Variants in PTPRK observed in about 807,000 individuals in gnomAD.
The protein encoded by PTPRK is receptor-type tyrosine-protein phosphatase kappa.
PTPRK carries 75 observed loss-of-function variants against 178.0 expected under a neutral mutation model. The ratio of observed to expected loss-of-function variants is 0.42; its 90% CI spans 0.35 to 0.51. The LOEUF is 0.51. PTPRK is among the 20% of genes least tolerant of loss of function. PTPRK has a pLI of 0.02. For missense variants in PTPRK, 1,441 were observed against 1,797.8 expected (o/e 0.80, Z 3.59); for synonymous variants, 637 against 620.6 (o/e 1.03, Z -0.39).
intron 1 of PTPRK, among the ~76,000 whole-genome samples, chr6:128,506,467 T>G (rs1032043877): frequency 3.3e-5 from 5 of 151,984 alleles, no homozygotes; most frequent in African/African-American, 1.2e-4. Context: ...GGTAGGTTTT[T>G]ATACATGGCA....
At chr6:128,444,741 A>G (rs1280520709) in intron 1 of PTPRK, among the ~76,000 whole-genome samples, 1 of 152,340 alleles carries the variant, frequency 6.6e-6, no homozygotes, top group East Asian at 1.9e-4. Flanking sequence ...AAATGAAATT[A>G]TGAAGAAAAG....
At chr6:128,461,125 A>G (rs1483848995) in intron 1 of PTPRK, among the ~76,000 whole-genome samples, 1 of 152,182 alleles carries the variant, frequency 6.6e-6, no homozygotes, top group Non-Finnish European at 1.5e-5. Flanking sequence ...TCTTCAGCAC[A>G]TCAACCTCTG....
At chr6:128,142,449 A>T (rs953255065) in intron 7 of PTPRK, among the ~76,000 whole-genome samples, 1 of 151,952 alleles carries the variant, frequency 6.6e-6, no homozygotes, top group Non-Finnish European at 1.5e-5. Context: ...CAAGTCAAAC[A>T]TTGGAAGCAC....
At chr6:128,062,736 T>G (rs1215690248) in intron 13 of PTPRK, 1 of 155,578 alleles carries the variant, frequency 6.4e-6, no homozygotes, top group African/African-American at 2.4e-5. Flanking sequence ...AGGAGTACAG[T>G]GGCACGATCA....
At chr6:128,072,583 G>A (rs1457845287) in intron 11 of PTPRK, among the ~76,000 whole-genome samples, 8 of 152,036 alleles carry the variant, frequency 5.3e-5, no homozygotes, top group Admixed American at 2.6e-4. Context: ...TACTTTTTAC[G>A]CTGGGGTTGA....
At chr6:128,225,511 G>T (rs2128276085) in intron 5 of PTPRK, among the ~76,000 whole-genome samples, 1 of 152,154 alleles carries the variant, frequency 6.6e-6, no homozygotes, top group South Asian at 2.1e-4. Flanking sequence ...AGATTTGTAT[G>T]AATTTTTTTC....
chr6:128,296,184 T>C (rs144739923), intron 3 of PTPRK, among the ~76,000 whole-genome samples: 4 of 152,192 alleles, frequency 2.6e-5, no homozygotes, highest in Admixed American at 1.3e-4. Flanking sequence ...AGTGACTCCT[T>C]GCAACCCATG....
At chr6:128,317,954 A>C (rs1828251659) in intron 3 of PTPRK, among the ~76,000 whole-genome samples, 1 of 152,196 alleles carries the variant, frequency 6.6e-6, no homozygotes, top group African/African-American at 2.4e-5. Context: ...ATAAATAGAC[A>C]ACAAACAATA....
At chr6:128,126,103 GGTTT>G (rs1793325061) in intron 7 of PTPRK, among the ~76,000 whole-genome samples, 1 of 151,568 alleles carries the variant, frequency 6.6e-6, no homozygotes, top group Non-Finnish European at 1.5e-5. Flanking sequence ...AGAACATGCA[GGTTT>G]GTTACATAGG....
At chr6:128,390,277 C>T (rs1332241240) in intron 2 of PTPRK, among the ~76,000 whole-genome samples, 1 of 152,102 alleles carries the variant, frequency 6.6e-6, no homozygotes, top group Admixed American at 6.6e-5. Flanking sequence ...TAAAGGTTTG[C>T]TTAAACAGAC....
chr6:128,474,203 A>AACCC (rs1224935373), intron 1 of PTPRK, among the ~76,000 whole-genome samples: 2 of 151,688 alleles, frequency 1.3e-5, no homozygotes, highest in Admixed American at 6.6e-5. Context: ...CAAACAAACA[A>AACCC]ACCCTGAAAG....
At chr6:128,363,603 AT>A (rs1428266168) in intron 2 of PTPRK, among the ~76,000 whole-genome samples, 2 of 151,958 alleles carry the variant, frequency 1.3e-5, no homozygotes, top group Non-Finnish European at 2.9e-5. Context: ...TCACACCCCC[AT>A]GTCTTGGCTC....
intron 2 of PTPRK, among the ~76,000 whole-genome samples, chr6:128,340,307 A>G (rs1831494807): frequency 6.6e-6 from 1 of 152,196 alleles, no homozygotes; most frequent in African/African-American, 2.4e-5. Flanking sequence ...TAAACATGGC[A>G]ACCAGACAGG....
At chr6:128,456,333 C>T (rs1395411747) in intron 1 of PTPRK, among the ~76,000 whole-genome samples, 1 of 151,876 alleles carries the variant, frequency 6.6e-6, no homozygotes, top group Admixed American at 6.6e-5. Context: ...TGAGGCCAGC[C>T]TTATGACAAG....
At chr6:128,411,713 T>C (rs1842330732) in intron 1 of PTPRK, among the ~76,000 whole-genome samples, 1 of 152,170 alleles carries the variant, frequency 6.6e-6, no homozygotes, top group Non-Finnish European at 1.5e-5. Flanking sequence ...ATTTTTAAAA[T>C]ACAAAAATTA....
chr6:128,207,763 C>G (rs1807233141), intron 6 of PTPRK, among the ~76,000 whole-genome samples: 1 of 152,026 alleles, frequency 6.6e-6, no homozygotes, highest in African/African-American at 2.4e-5. Context: ...AAGTTAGATG[C>G]AAGAATATAA....
intron 7 of PTPRK, among the ~76,000 whole-genome samples, chr6:128,091,702 ATT>A (rs199815793): frequency 6.6e-6 from 1 of 151,926 alleles, no homozygotes; most frequent in African/African-American, 2.4e-5. Context: ...TTAATTTTTT[ATT>A]TTTTTTAGGT....
intron 2 of PTPRK, among the ~76,000 whole-genome samples, chr6:128,393,610 CAAAG>C (rs1465520360): frequency 6.6e-6 from 1 of 151,866 alleles, no homozygotes; most frequent in Non-Finnish European, 1.5e-5. Flanking sequence ...GATAAGCAGA[CAAAG>C]AAATATTTCA....
chr6:128,121,943 G>A (rs1374585273), intron 7 of PTPRK, among the ~76,000 whole-genome samples: 2 of 152,020 alleles, frequency 1.3e-5, no homozygotes, highest in Non-Finnish European at 1.5e-5. Context: ...CGTTAACCAT[G>A]TTTCTCTAGT....
Sources: allele counts gnomAD v4.1 joint callset (sites outside exome capture counted in the v4.1 genomes callset), GRCh38; gene constraint gnomAD v4.1.1; transcripts MANE v1.5; gene names NCBI Gene and HGNC (gene_info 2026-07-23, HGNC 2026-07-21).